The following KIF5A variants were observed in gnomAD, a reference collection of about 807,000 sequenced individuals.
The protein encoded by KIF5A is kinesin family member 5A.
In KIF5A, 35 loss-of-function variants were observed where a neutral mutation model predicts 141.3. That is an observed-to-expected ratio of 0.25 (90% CI 0.19 to 0.33). The LOEUF (loss-of-function observed/expected upper bound fraction) is 0.33. KIF5A is among the 10% of genes least tolerant of loss of function. The pLI, the probability that KIF5A is intolerant of heterozygous loss-of-function variation, is 1.00. For missense variants in KIF5A, 861 were observed against 1,314.3 expected (o/e 0.66, Z 5.33); for synonymous variants, 448 against 500.2 (o/e 0.90, Z 1.39).
At chr12:57,578,392 G>T in intron 23 of KIF5A, 50 bp downstream of exon 23, 1 of 1,276,260 alleles carries the variant, frequency 7.8e-7, no homozygotes, top group Non-Finnish European at 1.1e-6. Flanking sequence ...CGGGTAGCTA[G>T]CATACCAAAT....
intron 1 of KIF5A, among the ~76,000 whole-genome samples, chr12:57,559,399 T>C (rs1280272814): frequency 6.6e-6 from 1 of 152,212 alleles, no homozygotes; most frequent in East Asian, 1.9e-4. Flanking sequence ...TTGGCCACTT[T>C]CATAGGTAAA....
chr12:57,575,682 G>A lies in KIF5A; in HGVS notation c.1948G>A (p.Val650Met), dbSNP rs374729476. Residue 650 changes from valine to methionine, a missense_variant, in exon 17 of 29, where the codon GTG becomes ATG. Transcript: ENST00000455537. ...CTCGCTTACGGAATACATGCAGAGC[G>A]TGGAGCTAAAGAAGCGGCACCTGGA... ...IRSLTEYMQSVELKKRHLEES... is the reference protein window; with the variant it reads ...IRSLTEYMQSMELKKRHLEES... 2.0e-5 allele frequency: 33 copies of A among 1,614,058 alleles called. No homozygotes were observed. The highest frequency in any genetic ancestry group is 1.6e-4 in the Middle Eastern group (1 of 6,084).
intron 23 of KIF5A, among the ~76,000 whole-genome samples, chr12:57,580,711 A>C (rs963865728): frequency 2.0e-5 from 3 of 152,172 alleles, no homozygotes; most frequent in Non-Finnish European, 4.4e-5. Flanking sequence ...ACTGCCTAGA[A>C]AATTATATAA....
At chr12:57,583,973 G>T (rs925275767) in intron 28 of KIF5A, among the ~76,000 whole-genome samples, 1 of 152,114 alleles carries the variant, frequency 6.6e-6, no homozygotes, top group Non-Finnish European at 1.5e-5. Context: ...TCCCAGAATA[G>T]TAAACCAGGC....
intron 7 of KIF5A, 67 bp downstream of exon 7, chr12:57,567,280 G>A: frequency 7.2e-7 from 1 of 1,388,612 alleles, no homozygotes; most frequent in Non-Finnish European, 1.0e-6. Flanking sequence ...CCTCTGGGGT[G>A]GAGGGACTCA....
In KIF5A at chr12:57,579,226, A is replaced by G. The variant is rs1409623271; in HGVS notation, c.2538+884A>G. 2.0e-5 allele frequency among the ~76,000 whole-genome samples: 3 copies of G among 152,174 alleles called. No individual in the cohort carries two copies. The East Asian group carries it at 5.8e-4, about 29-fold the overall frequency. On this transcript the variant is annotated intron_variant, in intron 23 of 28. Coordinates refer to ENST00000455537, the MANE Select transcript of KIF5A (RefSeq NM_004984.4). The stretch of plus-strand genomic sequence containing the variant: ...TCAAAGGTATGGGCTGGGGATGCAG[A>G]AGGGCAGTCCAAAGGAGTCAGGACA...
intron 1 of KIF5A, among the ~76,000 whole-genome samples, chr12:57,558,596 C>A (rs1269448360): frequency 1.3e-5 from 2 of 152,196 alleles, no homozygotes; most frequent in African/African-American, 4.8e-5. Flanking sequence ...ACTGCTTGAG[C>A]CCGGGAGGCA....
In KIF5A at chr12:57,562,284, T is replaced by C. The variant is rs1232738158; in HGVS notation, c.130-1155T>C. On this transcript the variant is annotated intron_variant, in intron 1 of 28. Coordinates refer to ENST00000455537, the MANE Select transcript of KIF5A (RefSeq NM_004984.4). ...AGGCTGGAGTGCAGTGGCGCAATCTTGGCTCACTGCAACCTCCGCCTCCTG... is the reference window on the plus strand; with the variant it reads ...AGGCTGGAGTGCAGTGGCGCAATCTCGGCTCACTGCAACCTCCGCCTCCTG... Among the ~76,000 whole-genome samples the C allele has an allele frequency of 1.3e-5, 2 of 152,140 alleles. 1 individual carries two copies. Among genetic ancestry groups the C allele is most frequent in the Admixed American group, 1.3e-4 (2 of 15,264 alleles).
chr12:57,581,353 C>T (rs939660826), intron 24 of KIF5A, 62 bp from the exon 25 acceptor site: 2 of 1,606,252 alleles, frequency 1.2e-6, no homozygotes, highest in African/African-American at 2.7e-5. Context: ...TAAATGACCT[C>T]AGGGACCAGG....
intron 22 of KIF5A, 75 bp downstream of exon 22, chr12:57,578,155 C>A: frequency 1.9e-6 from 3 of 1,575,216 alleles, no homozygotes; most frequent in Non-Finnish European, 2.6e-6. Flanking sequence ...CCCCTGTTGC[C>A]CCTATGGGGC....
chr12:57,569,439 C>T, intron 10 of KIF5A, 35 bp downstream of exon 10: 2 of 1,613,732 alleles, frequency 1.2e-6, no homozygotes, highest in South Asian at 1.1e-5. Flanking sequence ...ATCCCTGGTA[C>T]CCAGCTTCCC....
At chr12:57,564,012 C>T (rs762546357) in intron 3 of KIF5A, 96 bp from the exon 4 acceptor site, 9 of 877,712 alleles carry the variant, frequency 1.0e-5, no homozygotes, top group Non-Finnish European at 1.7e-5. Context: ...GGATGTTCTT[C>T]TTATTGACTC....
chr12:57,560,290 C>G (rs1881871016), intron 1 of KIF5A, among the ~76,000 whole-genome samples: 1 of 152,142 alleles, frequency 6.6e-6, no homozygotes, highest in Admixed American at 6.5e-5. Context: ...AAATGTTACT[C>G]CTTTAAGTCG....
chr12:57,582,316 G>A lies in KIF5A; in HGVS notation c.2993-286G>A, dbSNP rs558297248. ...ACCCTGTACCTACAGCCTGAGCACT[G>A]CCCAGCCCTTTAGGTCTCAGGCTGC... On this transcript the variant is annotated intron_variant, in intron 26 of 28. Coordinates refer to ENST00000455537, the MANE Select transcript of KIF5A (RefSeq NM_004984.4). Among the ~76,000 whole-genome samples, 8 of 152,176 alleles carry A rather than the reference G, an allele frequency of 5.3e-5. No individual in the cohort carries two copies. In the South Asian group the frequency reaches 1.2e-3, roughly 24 times the overall value.
chr12:57,550,248 C>A lies in KIF5A; in HGVS notation c.-24C>A. ...ACCACCCCTGCAGCCCAAGAAGAGT[C>A]CCAGCCCCACGCCGGCTACCACCAT... is the stretch of plus-strand genomic sequence containing the variant. On this transcript the variant is annotated 5_prime_UTR_variant, in exon 1 of 29. Coordinates refer to ENST00000455537, the MANE Select transcript of KIF5A (RefSeq NM_004984.4). This position sits in a 1 kb window ranked among gnomAD's most constrained non-coding sequence, Gnocchi z 4.6. 2 of 1,613,694 alleles carry A rather than the reference C, an allele frequency of 1.2e-6. No individual in the cohort carries two copies. Among genetic ancestry groups the A allele is most frequent in the Non-Finnish European group, 1.7e-6 (2 of 1,179,972 alleles).
chr12:57,551,980 G>T (rs1313554748), intron 1 of KIF5A, among the ~76,000 whole-genome samples: 1 of 151,858 alleles, frequency 6.6e-6, no homozygotes, highest in Non-Finnish European at 1.5e-5. Context: ...CCTGCAGTCT[G>T]TTCAGTCTGG....
chr12:57,577,018 C>T (rs553972021), intron 20 of KIF5A, among the ~76,000 whole-genome samples, 156 bp downstream of exon 20: 2 of 152,200 alleles, frequency 1.3e-5, no homozygotes, highest in Admixed American at 6.5e-5. Flanking sequence ...AGGACACTCT[C>T]AGCAAAGACT....
intron 1 of KIF5A, among the ~76,000 whole-genome samples, chr12:57,553,053 G>T (rs1834749663): frequency 6.6e-6 from 1 of 152,148 alleles, no homozygotes; most frequent in South Asian, 2.1e-4. Context: ...TAGCAGAAGG[G>T]TGTCTGGGTC....
intron 1 of KIF5A, among the ~76,000 whole-genome samples, chr12:57,554,821 C>CAGCT (rs1412408352): frequency 6.6e-6 from 1 of 152,082 alleles, no homozygotes; most frequent in Non-Finnish European, 1.5e-5. Flanking sequence ...TTTTAACAGC[C>CAGCT]AGCTCTCACA....
Sources: allele counts gnomAD v4.1 joint callset (sites outside exome capture counted in the v4.1 genomes callset), GRCh38; gene constraint gnomAD v4.1.1; non-coding constraint Gnocchi (gnomAD v3.1); transcripts MANE v1.5; gene names NCBI Gene and HGNC (gene_info 2026-07-23, HGNC 2026-07-21).